Variants in TFDP2 observed in about 807,000 individuals in gnomAD.
TFDP2 encodes the protein transcription factor Dp-2, also known as transcription factor Dp-2 (E2F dimerization partner 2).
In TFDP2, 17 loss-of-function variants were observed where a neutral mutation model predicts 59.3. The observed-to-expected ratio is 0.29, with a 90% confidence interval of 0.20 to 0.43. TFDP2 has a LOEUF of 0.43. Among genes scored for constraint, TFDP2 ranks in the 20% least tolerant of loss-of-function variants. The pLI is 1.00. For missense variants in TFDP2, 391 were observed against 528.8 expected, an observed-to-expected ratio of 0.74 and a Z score of 2.56; for synonymous variants, 180 against 194.7, an observed-to-expected ratio of 0.92 and a Z score of 0.63.
At chr3:142,140,330 T>C (rs768635239) in intron 1 of TFDP2, among the ~76,000 whole-genome samples, 6 of 152,276 alleles carry the variant, frequency 3.9e-5, no homozygotes, top group African/African-American at 7.2e-5. Flanking sequence ...TCAGAGAAGT[T>C]TGTTATTACC....
At chr3:141,998,220 G>A (rs928298396) in intron 4 of TFDP2, among the ~76,000 whole-genome samples, 2 of 152,178 alleles carry the variant, frequency 1.3e-5, no homozygotes, top group East Asian at 3.8e-4. Context: ...AAAACAGAAG[G>A]AAAGTCGGTA....
chr3:142,144,587 G>A (rs1001576477), intron 1 of TFDP2, among the ~76,000 whole-genome samples: 1 of 151,996 alleles, frequency 6.6e-6, no homozygotes, highest in African/African-American at 2.4e-5. Context: ...TGTTGCCCAG[G>A]CTGGAGTGCA....
intron 3 of TFDP2, among the ~76,000 whole-genome samples, chr3:142,027,758 G>A (rs988626295): frequency 3.3e-5 from 5 of 152,002 alleles, no homozygotes; most frequent in Admixed American, 2.0e-4. Context: ...CATATATTCC[G>A]GGGTCATTAA....
Position 142,015,658 on chromosome 3 carries a change from A to G in TFDP2, c.83-10114T>C, listed in dbSNP as rs975529624. Among the ~76,000 whole-genome samples the G allele has an allele frequency of 2.6e-5, 4 of 152,176 alleles. No individual in the cohort carries two copies. The South Asian group carries it at 8.3e-4, about 32-fold the overall frequency. Reference sequence around the variant, plus strand: ...TGCAATAGGTTCCTGACGCAGCTCCATGCTGCTGCCCACCCTACCCCACAA... The same window carrying G: ...TGCAATAGGTTCCTGACGCAGCTCCGTGCTGCTGCCCACCCTACCCCACAA... On this transcript the variant is annotated intron_variant, in intron 3 of 12. Coordinates refer to ENST00000489671, the MANE Select transcript of TFDP2 (RefSeq NM_001178139.2).
chr3:142,099,437 C>T (rs2061257745), intron 2 of TFDP2, among the ~76,000 whole-genome samples: 1 of 152,116 alleles, frequency 6.6e-6, no homozygotes, highest in Non-Finnish European at 1.5e-5. Context: ...CGCGGTGGCT[C>T]ACACTTATAA....
intron 3 of TFDP2, among the ~76,000 whole-genome samples, chr3:142,032,458 C>G (rs1946479876): frequency 6.6e-6 from 1 of 152,172 alleles, no homozygotes; most frequent in South Asian, 2.1e-4. Flanking sequence ...TCAAGATCTA[C>G]ACTCCCACTC....
At chr3:142,075,024 T>C (rs966698275) in intron 3 of TFDP2, among the ~76,000 whole-genome samples, 1 of 151,930 alleles carries the variant, frequency 6.6e-6, no homozygotes, top group Non-Finnish European at 1.5e-5. Context: ...ACATGCAAAA[T>C]AATGTTGGAT....
intron 3 of TFDP2, among the ~76,000 whole-genome samples, chr3:142,086,483 T>C (rs1264801263): frequency 1.3e-5 from 2 of 152,216 alleles, no homozygotes. Flanking sequence ...CACAGAACTC[T>C]AGCAAAAGGG....
intron 4 of TFDP2, among the ~76,000 whole-genome samples, chr3:141,998,432 G>A (rs1351159770): frequency 6.6e-6 from 1 of 151,972 alleles, no homozygotes; most frequent in Non-Finnish European, 1.5e-5. Context: ...TGGCCAACAT[G>A]GTGAAACCCC....
intron 1 of TFDP2, among the ~76,000 whole-genome samples, chr3:142,128,180 C>T (rs914510648): frequency 6.6e-6 from 1 of 152,040 alleles, no homozygotes; most frequent in Admixed American, 6.6e-5. Context: ...CCAGCCTGGG[C>T]AAGAGCAACA....
At chr3:142,006,245 C>T (rs186672593) in intron 3 of TFDP2, among the ~76,000 whole-genome samples, 10 of 152,236 alleles carry the variant, frequency 6.6e-5, no homozygotes, top group African/African-American at 2.4e-4. Flanking sequence ...CTACTTAATT[C>T]CCCCAACAAA....
chr3:142,034,608 CT>C (rs1239288616), intron 3 of TFDP2, among the ~76,000 whole-genome samples: 1 of 152,198 alleles, frequency 6.6e-6, no homozygotes, highest in Non-Finnish European at 1.5e-5. Flanking sequence ...TGAGCTCTGC[CT>C]TGATAAATCT....
intron 3 of TFDP2, among the ~76,000 whole-genome samples, chr3:142,016,883 A>G (rs975674141): frequency 2.0e-5 from 3 of 152,152 alleles, no homozygotes; most frequent in Admixed American, 6.5e-5. Context: ...GGGTTTACAA[A>G]GCCCTATATC....
At chr3:142,043,342 C>A (rs765170665) in intron 3 of TFDP2, among the ~76,000 whole-genome samples, 22 of 151,876 alleles carry the variant, frequency 1.4e-4, no homozygotes, top group Non-Finnish European at 2.5e-4. Context: ...CCACCGCGCC[C>A]GGCCGCTTAT....
intron 9 of TFDP2, among the ~76,000 whole-genome samples, chr3:141,966,741 T>C (rs1235908106): frequency 2.6e-5 from 4 of 151,470 alleles, no homozygotes; most frequent in East Asian, 1.9e-4. Flanking sequence ...AAGTAGGATA[T>C]TGGGATTATC....
intron 1 of TFDP2, among the ~76,000 whole-genome samples, chr3:142,115,312 TTTC>T (rs1280687697): frequency 1.3e-5 from 2 of 149,908 alleles, no homozygotes; most frequent in Admixed American, 1.3e-4. Flanking sequence ...TTCCACGCAT[TTTC>T]TTTTTTTTTT....
At chr3:142,097,874 C>T (rs2061210708) in intron 2 of TFDP2, among the ~76,000 whole-genome samples, 1 of 152,136 alleles carries the variant, frequency 6.6e-6, no homozygotes, top group East Asian at 1.9e-4. Flanking sequence ...CAACCTCTGC[C>T]TCCCAGGTTC....
chr3:141,994,549 GATTC>G (rs1217360285), intron 5 of TFDP2: 1 of 152,114 alleles, frequency 6.6e-6, no homozygotes, highest in Non-Finnish European at 1.5e-5. Flanking sequence ...AAGGGATATT[GATTC>G]AATTGTTCAG....
chr3:142,005,684 C>T, intron 3 of TFDP2, 140 bp from the exon 4 acceptor site: 1 of 532,044 alleles, frequency 1.9e-6, no homozygotes, highest in South Asian at 3.2e-5. Flanking sequence ...ACAAAATACA[C>T]CTTACTGAAA....
Sources: allele counts gnomAD v4.1 joint callset (sites outside exome capture counted in the v4.1 genomes callset), GRCh38; gene constraint gnomAD v4.1.1; transcripts MANE v1.5; gene names NCBI Gene and HGNC (gene_info 2026-07-23, HGNC 2026-07-21).